PLCL2: variants seen among roughly 807,000 people sequenced by gnomAD.
The protein encoded by PLCL2 is phospholipase C like 2, also known as inactive phospholipase C-like protein 2.
Under a neutral mutation model 79.6 loss-of-function variants are expected in PLCL2, and 4 were observed. That is an observed-to-expected ratio of 0.05 (90% CI 0.02 to 0.11). The LOEUF (loss-of-function observed/expected upper bound fraction) is 0.11. Among genes scored for constraint, PLCL2 ranks in the 10% least tolerant of loss-of-function variants. The pLI is 1.00. For missense variants in PLCL2, 895 were observed against 1,291.0 expected (o/e 0.69, Z 4.70); for synonymous variants, 484 against 457.7 (o/e 1.06, Z -0.73).
intron 5 of PLCL2, among the ~76,000 whole-genome samples, chr3:17,087,786 C>A (rs1575625753): frequency 6.6e-6 from 1 of 152,064 alleles, no homozygotes; most frequent in East Asian, 1.9e-4. Context: ...CTCTGTTTTG[C>A]TGTGAACCTA....
chr3:16,961,324 TAGTG>T (rs1225596259), intron 1 of PLCL2, among the ~76,000 whole-genome samples: 1 of 152,136 alleles, frequency 6.6e-6, no homozygotes, highest in Non-Finnish European at 1.5e-5. Context: ...AGCACATACT[TAGTG>T]AGCACCTACT....
intron 1 of PLCL2, among the ~76,000 whole-genome samples, chr3:16,964,705 T>C (rs1427179110): frequency 3.3e-5 from 5 of 151,458 alleles, no homozygotes; most frequent in Admixed American, 6.6e-5. Context: ...TTTTAATGAT[T>C]GCCATTCTAA....
At chr3:16,924,492 ACTGAACC>A (rs1697199188) in intron 1 of PLCL2, among the ~76,000 whole-genome samples, 1 of 152,350 alleles carries the variant, frequency 6.6e-6, no homozygotes, top group East Asian at 1.9e-4. Context: ...ATATTTTAAT[ACTGAACC>A]AGCAGTTTAC....
intron 3 of PLCL2, among the ~76,000 whole-genome samples, chr3:17,041,891 C>CTA (rs2064725521): frequency 6.6e-6 from 1 of 152,008 alleles, no homozygotes; most frequent in South Asian, 2.1e-4. Context: ...GTGCACTGAG[C>CTA]TATGATTGCA....
intron 1 of PLCL2, among the ~76,000 whole-genome samples, chr3:16,977,839 A>C (rs1464982414): frequency 2.0e-5 from 3 of 152,236 alleles, no homozygotes; most frequent in Non-Finnish European, 4.4e-5. Context: ...TCCAAGATCT[A>C]GGTGCCAATA....
At chr3:17,004,605 T>G (rs1403333050) in intron 1 of PLCL2, among the ~76,000 whole-genome samples, 1 of 152,172 alleles carries the variant, frequency 6.6e-6, no homozygotes, top group Non-Finnish European at 1.5e-5. Context: ...TTTTCTTCTT[T>G]TTTCTCATCT....
rs969169318 is a variant in PLCL2, at chr3:16,993,231, G to T, written c.328-16443G>T. ...TTTGCCCAGGGCAGTCCCTGTTGATGTGGCATGTTTATTGATACCCACATT... is the reference window on the plus strand; with the variant it reads ...TTTGCCCAGGGCAGTCCCTGTTGATTTGGCATGTTTATTGATACCCACATT... On this transcript the variant is annotated intron_variant, in intron 1 of 5. Transcript: ENST00000615277. Among the ~76,000 whole-genome samples the T allele has an allele frequency of 5.3e-5, 8 of 152,202 alleles. 1 individual carries two copies. The highest frequency in any genetic ancestry group is 2.6e-4 in the Admixed American group (4 of 15,280).
At chr3:17,079,661 C>T (rs1406287072) in intron 5 of PLCL2, among the ~76,000 whole-genome samples, 6 of 152,190 alleles carry the variant, frequency 3.9e-5, no homozygotes, top group Admixed American at 3.3e-4. Context: ...GCCGAGGAGC[C>T]CCCAACCCTC....
At chr3:16,928,150 G>A (rs552014953) in intron 1 of PLCL2, among the ~76,000 whole-genome samples, 4 of 152,280 alleles carry the variant, frequency 2.6e-5, no homozygotes, top group African/African-American at 9.6e-5. Context: ...TAGGCACTGG[G>A]GAGGCAATGG....
Position 16,885,072 on chromosome 3 carries a change from C to T in PLCL2, c.33C>T (p.Gly11=). MAECGRGGAA[G]GALPTSPGPA... is the part of the protein sequence containing the mutation. The stretch of plus-strand genomic sequence containing the variant: ...AGTGCGGCCGGGGGGGCGCCGCCGG[C>T]GGGGCCCTGCCCACCTCCCCGGGCC... Residue 11 remains glycine, a synonymous_variant, in exon 1 of 6, where the codon GGC becomes GGT. Coordinates refer to ENST00000615277, the MANE Select transcript of PLCL2 (RefSeq NM_001144382.2). 2 of 385,970 alleles carry T rather than the reference C, an allele frequency of 5.2e-6. No individual in the cohort carries two copies. The highest frequency in any genetic ancestry group is 1.2e-4 in the South Asian group (1 of 8,172). The allele number at this position is 385,970 out of a possible 1,614,324, so 23.9% of individuals were successfully genotyped here.
intron 1 of PLCL2, among the ~76,000 whole-genome samples, chr3:16,955,872 T>C (rs1331849829): frequency 1.3e-5 from 2 of 152,216 alleles, no homozygotes; most frequent in African/African-American, 2.4e-5. Context: ...TTTTGCACAT[T>C]GATTTTGTGT....
rs577040509 is a variant in PLCL2 at position 16,973,694 on chromosome 3, G to A, written c.328-35980G>A. On this transcript the variant is annotated intron_variant, in intron 1 of 5. Transcript: ENST00000615277. ...CCTCTGCTGCTGTTGTCAGTATTCTGTTGTGACCTTGGACCATTTACTTTC... is the reference window on the plus strand; with the variant it reads ...CCTCTGCTGCTGTTGTCAGTATTCTATTGTGACCTTGGACCATTTACTTTC... Among the ~76,000 whole-genome samples the A allele has an allele frequency of 1.1e-4, 17 of 152,254 alleles. 1 individual carries two copies. The South Asian group carries it at 2.9e-3, about 26-fold the overall frequency.
intron 4 of PLCL2, among the ~76,000 whole-genome samples, chr3:17,052,997 T>C (rs1396985044): frequency 6.6e-6 from 1 of 152,228 alleles, no homozygotes; most frequent in Non-Finnish European, 1.5e-5. Context: ...TGCAGATTTT[T>C]GACTGCATGC....
chr3:16,991,961 T>C (rs1458070211), intron 1 of PLCL2, among the ~76,000 whole-genome samples: 3 of 152,252 alleles, frequency 2.0e-5, no homozygotes, highest in East Asian at 3.9e-4. Context: ...GATAATCTAA[T>C]TTTTAGGTGC....
chr3:17,063,740 A>G (rs549629425), intron 4 of PLCL2, among the ~76,000 whole-genome samples: 1 of 152,290 alleles, frequency 6.6e-6, no homozygotes, highest in East Asian at 1.9e-4. Context: ...TGCCTGTTCA[A>G]CTGCAGTCAC....
At chr3:16,907,206 A>G (rs1053949867) in intron 1 of PLCL2, among the ~76,000 whole-genome samples, 1 of 152,168 alleles carries the variant, frequency 6.6e-6, no homozygotes, top group Non-Finnish European at 1.5e-5. Flanking sequence ...GTCAGTTTAT[A>G]GTTTAAACTT....
chr3:16,928,989 G>A (rs1697324941), intron 1 of PLCL2, among the ~76,000 whole-genome samples: 1 of 152,070 alleles, frequency 6.6e-6, no homozygotes. Context: ...TTTTCTCAAG[G>A]TTAGTTGTGA....
At chr3:16,973,415 C>T (rs1440543727) in intron 1 of PLCL2, among the ~76,000 whole-genome samples, 5 of 146,384 alleles carry the variant, frequency 3.4e-5, no homozygotes, top group Admixed American at 6.9e-5. Context: ...TTGGGGATGT[C>T]ATCTTGTATA....
At chr3:16,998,424 T>C (rs1006991639) in intron 1 of PLCL2, among the ~76,000 whole-genome samples, 1 of 152,234 alleles carries the variant, frequency 6.6e-6, no homozygotes, top group African/African-American at 2.4e-5. Context: ...GTCAGCAGGC[T>C]CTGTAATGTG....
Sources: allele counts gnomAD v4.1 joint callset (sites outside exome capture counted in the v4.1 genomes callset), GRCh38; gene constraint gnomAD v4.1.1; transcripts MANE v1.5; gene names NCBI Gene and HGNC (gene_info 2026-07-23, HGNC 2026-07-21).